Variants in SMCHD1 observed in about 807,000 individuals in gnomAD.
SMCHD1 encodes structural maintenance of chromosomes flexible hinge domain containing 1.
In SMCHD1, 78 loss-of-function variants were observed where a neutral mutation model predicts 254.7. The ratio of observed to expected loss-of-function variants is 0.31; its 90% CI spans 0.26 to 0.37. The LOEUF is 0.37. SMCHD1 is among the 10% of genes least tolerant of loss of function. The probability of loss-of-function intolerance (pLI) is 1.00; values close to 1 mark genes in which losing one functional copy is unlikely to be tolerated. For synonymous variants in SMCHD1, 766 were observed against 794.9 expected (o/e 0.96, Z 0.61); for missense variants, 1,840 against 2,408.1 (o/e 0.76, Z 4.94).
At chr18:2,792,684 C>A (rs1228236440) in intron 45 of SMCHD1, among the ~76,000 whole-genome samples, 1 of 152,136 alleles carries the variant, frequency 6.6e-6, no homozygotes, top group Non-Finnish European at 1.5e-5. Flanking sequence ...TTAGACATTT[C>A]TTATACTTTA....
chr18:2,658,195 C>T (rs1383029011), intron 1 of SMCHD1, among the ~76,000 whole-genome samples: 3 of 152,184 alleles, frequency 2.0e-5, no homozygotes, highest in South Asian at 4.1e-4. Context: ...GCTCTTGTTT[C>T]GTATTTTAAA....
rs2075357368 is a variant in SMCHD1, at chr18:2,741,934, T to C, written c.3633+1113T>C. Reference sequence around the variant, plus strand: ...ACCAGCAAAGCTTCCTTTGGCCCTGTATTCCTGTCCATCTACTGCCCTCCT... The same window carrying C: ...ACCAGCAAAGCTTCCTTTGGCCCTGCATTCCTGTCCATCTACTGCCCTCCT... On this transcript the variant is annotated intron_variant, in intron 28 of 47. Coordinates refer to ENST00000320876, the MANE Select transcript of SMCHD1 (RefSeq NM_015295.3). Among the ~76,000 whole-genome samples the C allele has an allele frequency of 3.9e-5, 6 of 152,310 alleles. No homozygotes were observed. In the South Asian group the frequency reaches 1.0e-3, roughly 26 times the overall value.
At chr18:2,763,811 G>A in intron 37 of SMCHD1, 22 bp downstream of exon 37, 1 of 1,598,732 alleles carries the variant, frequency 6.3e-7, no homozygotes, top group Non-Finnish European at 8.5e-7. Flanking sequence ...ATATCTTTTG[G>A]TAGATAGAAT....
chr18:2,695,015 C>G (rs1416661810), intron 8 of SMCHD1, among the ~76,000 whole-genome samples: 2 of 151,724 alleles, frequency 1.3e-5, no homozygotes, highest in Non-Finnish European at 2.9e-5. Context: ...TGCTTCTTTT[C>G]CATAGGACCT....
At position 2,673,293 on chromosome 18, in the gene SMCHD1, C is replaced by T. The variant is rs886043899; in HGVS notation, c.437C>T (p.Ala146Val). ...TGATCTCTTGCAGCATTTGCTCTTGCGGAATTAATTGACAATTCATTGTCT... is the reference window on the plus strand; with the variant it reads ...TGATCTCTTGCAGCATTTGCTCTTGTGGAATTAATTGACAATTCATTGTCT... ...EGQNPLPFAL[A>V]ELIDNSLSAT... Residue 146 changes from alanine (A) to valine (V), a missense_variant, in exon 4 of 48, where the codon GCG (alanine) becomes GTG (valine). Ala to Val is a moderately conservative substitution (Grantham distance 64, BLOSUM62 0). Transcript: ENST00000320876. 3.8e-6 allele frequency: 6 copies of T among 1,591,506 alleles called. No homozygotes were observed. The highest frequency in any genetic ancestry group is 1.3e-5 in the African/African-American group (1 of 74,528).
intron 37 of SMCHD1, among the ~76,000 whole-genome samples, chr18:2,765,797 T>C (rs576255165): frequency 6.6e-6 from 1 of 152,260 alleles, no homozygotes; most frequent in South Asian, 2.1e-4. Flanking sequence ...TCCTTTTTTA[T>C]TATAGTGGAG....
chr18:2,672,112 A>G (rs749005010), intron 3 of SMCHD1, among the ~76,000 whole-genome samples: 11 of 152,150 alleles, frequency 7.2e-5, no homozygotes, highest in Non-Finnish European at 1.2e-4. Context: ...CCTTAGCCAG[A>G]TTACCCTTGT....
At chr18:2,743,092 T>G (rs2075381923) in intron 28 of SMCHD1, among the ~76,000 whole-genome samples, 1 of 152,170 alleles carries the variant, frequency 6.6e-6, no homozygotes, top group African/African-American at 2.4e-5. Context: ...AGGGTCACCA[T>G]TAAAATACAA....
chr18:2,744,209 G>A (rs1406772828), intron 29 of SMCHD1, among the ~76,000 whole-genome samples: 1 of 152,162 alleles, frequency 6.6e-6, no homozygotes, highest in Admixed American at 6.5e-5. Context: ...AAAGAATAGT[G>A]TAGCAAACTC....
chr18:2,789,528 C>T (rs1453382985), intron 45 of SMCHD1, among the ~76,000 whole-genome samples: 2 of 151,440 alleles, frequency 1.3e-5, no homozygotes, highest in African/African-American at 4.9e-5. Context: ...GTTTTTTTCT[C>T]CCCCCACCAT....
At chr18:2,749,937 T>C in intron 30 of SMCHD1, 106 bp from the exon 31 acceptor site, 1 of 988,712 alleles carries the variant, frequency 1.0e-6, no homozygotes, top group Non-Finnish European at 1.5e-6. Context: ...ATGCAAATAC[T>C]GCTTTTAAAA....
At chr18:2,730,677 T>G (rs931009783) in intron 24 of SMCHD1, among the ~76,000 whole-genome samples, 1 of 152,208 alleles carries the variant, frequency 6.6e-6, no homozygotes, top group African/African-American at 2.4e-5. Context: ...TCTTAGTAAT[T>G]GATATGGTGA....
chr18:2,767,650 C>T (rs1212974356), intron 37 of SMCHD1, among the ~76,000 whole-genome samples: 3 of 127,546 alleles, frequency 2.4e-5, no homozygotes, highest in South Asian at 2.4e-4. Context: ...AGTGCTTTGG[C>T]GCACTCTTGG....
intron 4 of SMCHD1, 39 bp downstream of exon 4, chr18:2,673,402 T>G: frequency 7.5e-7 from 1 of 1,337,560 alleles, no homozygotes; most frequent in Non-Finnish European, 1.0e-6. Context: ...AACTTTTCCT[T>G]TTGTAAGAGT....
intron 44 of SMCHD1, chr18:2,778,824 T>C (rs2076108651): frequency 6.6e-6 from 1 of 152,388 alleles, no homozygotes; most frequent in Non-Finnish European, 1.5e-5. Context: ...CATACTGGAT[T>C]AGGGCCCACC....
intron 24 of SMCHD1, among the ~76,000 whole-genome samples, chr18:2,730,843 T>A (rs1884898018): frequency 6.6e-6 from 1 of 152,242 alleles, no homozygotes; most frequent in South Asian, 2.1e-4. Flanking sequence ...CTTGTTATAT[T>A]TGATAAGCTT....
rs1568301304 is a variant in SMCHD1, at chr18:2,748,388, A to ATATGTATAT, written c.3927+741_3927+742insTATGTATAT. ...TGTGTGTGTGTGTGTGTGTGTATAT[A>ATATGTATAT]AATTTTTTTTTTTTTTTTTTTGGAG... On this transcript the variant is annotated intron_variant, in intron 30 of 47. Transcript: ENST00000320876. Among the ~76,000 whole-genome samples, 22 of 50,512 alleles carry ATATGTATAT rather than the reference A, an allele frequency of 4.4e-4. 4 individuals are homozygous for ATATGTATAT. The highest frequency in any genetic ancestry group is 6.3e-4 in the Non-Finnish European group (19 of 30,062). The allele number at this position is 50,512 out of a possible 152,430, so 33.1% of individuals were successfully genotyped here.
Position 2,707,513 on chromosome 18 carries a change from A to G in SMCHD1, c.2064-50A>G, listed in dbSNP as rs773506231. ...AATAACTCGTATCTTTTTAATTAAG[A>G]TCATAATTAACAAAGTTTGTGGAAC... On this transcript the variant is annotated intron_variant, in intron 15 of 47. Coordinates refer to ENST00000320876, the MANE Select transcript of SMCHD1 (RefSeq NM_015295.3). 2.3e-5 allele frequency: 25 copies of G among 1,103,368 alleles called. No homozygotes were observed. The South Asian group carries it at 3.2e-4, about 14-fold the overall frequency. 68.3% of individuals were successfully genotyped at this position (1,103,368 alleles called of 1,614,324 possible).
At chr18:2,683,644 A>T (rs999093609) in intron 5 of SMCHD1, among the ~76,000 whole-genome samples, 17 of 152,118 alleles carry the variant, frequency 1.1e-4, no homozygotes, top group Non-Finnish European at 2.2e-4. Context: ...CTGGTTGATG[A>T]TATTATTCAT....
Sources: gnomAD v4.1 joint callset for allele counts (sites outside exome capture counted in the v4.1 genomes callset) on GRCh38, gnomAD v4.1.1 for gene constraint, MANE v1.5 for transcripts, NCBI Gene and HGNC (gene_info 2026-07-23, HGNC 2026-07-21) for gene names.